The following RAB8B variants were observed in gnomAD, a reference collection of about 807,000 sequenced individuals.
The protein encoded by RAB8B is RAB8B, member RAS oncogene family.
In RAB8B, 11 loss-of-function variants were observed where a neutral mutation model predicts 32.0. That is an observed-to-expected ratio of 0.34 (90% CI 0.22 to 0.57). RAB8B has a LOEUF of 0.57. Among genes scored for constraint, RAB8B ranks in the 20% least tolerant of loss-of-function variants. The probability of loss-of-function intolerance (pLI) is 0.86; values close to 1 mark genes in which losing one functional copy is unlikely to be tolerated. For synonymous variants in RAB8B, 103 were observed against 89.6 expected, an observed-to-expected ratio of 1.15 and a Z score of -0.85; for missense variants, 190 against 258.5, an observed-to-expected ratio of 0.73 and a Z score of 1.82.
intron 1 of RAB8B, among the ~76,000 whole-genome samples, chr15:63,198,791 T>A (rs1296352428): frequency 1.3e-5 from 2 of 152,240 alleles, no homozygotes; most frequent in African/African-American, 4.8e-5. Flanking sequence ...CTATTAAAAG[T>A]TGAATTGTAA....
chr15:63,255,866 A>G (rs2038154999), intron 4 of RAB8B, among the ~76,000 whole-genome samples: 2 of 152,230 alleles, frequency 1.3e-5, no homozygotes, highest in Admixed American at 1.3e-4. Flanking sequence ...GAACAGAAAG[A>G]AGTGATTTGC....
intron 1 of RAB8B, among the ~76,000 whole-genome samples, chr15:63,230,693 CTTA>C: frequency 6.6e-6 from 1 of 152,008 alleles, no homozygotes; most frequent in South Asian, 2.1e-4. Context: ...GATTTTACTA[CTTA>C]TTATTATTAT....
intron 3 of RAB8B, among the ~76,000 whole-genome samples, chr15:63,253,818 T>C (rs1238628239): frequency 5.9e-5 from 9 of 152,190 alleles, no homozygotes. Flanking sequence ...CAGGACTTAG[T>C]GACTGATTGG....
At chr15:63,218,609 C>T (rs1345215398) in intron 1 of RAB8B, among the ~76,000 whole-genome samples, 2 of 152,176 alleles carry the variant, frequency 1.3e-5, no homozygotes, top group African/African-American at 4.8e-5. Context: ...GGCATAGTCC[C>T]ACTTCATTCA....
chr15:63,214,005 TG>T (rs1383209349), intron 1 of RAB8B, among the ~76,000 whole-genome samples: 11 of 151,934 alleles, frequency 7.2e-5, no homozygotes, highest in African/African-American at 2.7e-4. Context: ...TGCTTGAACC[TG>T]GGAGGTGGAG....
chr15:63,195,370 T>G (rs1182424388), intron 1 of RAB8B, among the ~76,000 whole-genome samples: 2 of 152,080 alleles, frequency 1.3e-5, no homozygotes, highest in Non-Finnish European at 2.9e-5. Context: ...GGAAACTGAG[T>G]CTTGGGTACA....
intron 1 of RAB8B, among the ~76,000 whole-genome samples, chr15:63,219,003 G>GTT (rs1567012548): frequency 1.0e-4 from 5 of 48,848 alleles, no homozygotes; most frequent in East Asian, 1.2e-3. Context: ...TCCAGCAGTG[G>GTT]ATTTTTTTTT....
intron 1 of RAB8B, among the ~76,000 whole-genome samples, chr15:63,222,752 G>C (rs147966453): frequency 0.027 from 4,140 of 152,182 alleles, 165 homozygotes; most frequent in African/African-American, 0.088. Flanking sequence ...TGTTGGTCAG[G>C]CTGGTCTCGA....
chr15:63,205,148 A>G (rs1156611510), intron 1 of RAB8B, among the ~76,000 whole-genome samples: 1 of 152,144 alleles, frequency 6.6e-6, no homozygotes, highest in African/African-American at 2.4e-5. Flanking sequence ...AATACAAAAA[A>G]AGTTAGCAGG....
chr15:63,251,359 G>T, intron 3 of RAB8B: 1 of 455,090 alleles, frequency 2.2e-6, no homozygotes, highest in South Asian at 1.6e-5. Context: ...CTGATTAGAG[G>T]CATCTTAGAC....
intron 1 of RAB8B, among the ~76,000 whole-genome samples, chr15:63,203,534 G>A (rs562774346): frequency 6.6e-6 from 1 of 152,350 alleles, no homozygotes; most frequent in East Asian, 1.9e-4. Flanking sequence ...CTAGTTCACT[G>A]AGGGTAGGTC....
intron 3 of RAB8B, among the ~76,000 whole-genome samples, chr15:63,254,357 A>G (rs1213420133): frequency 6.6e-6 from 1 of 152,086 alleles, no homozygotes; most frequent in African/African-American, 2.4e-5. Context: ...TGTCAAAATT[A>G]TAATTAGTTG....
intron 1 of RAB8B, among the ~76,000 whole-genome samples, chr15:63,192,165 C>T (rs1010700739): frequency 3.9e-5 from 6 of 152,232 alleles, no homozygotes; most frequent in Middle Eastern, 3.2e-3. Flanking sequence ...AGAGCTCCAA[C>T]AGGAAGTGGT....
At chr15:63,201,268 T>A (rs1323301529) in intron 1 of RAB8B, among the ~76,000 whole-genome samples, 1 of 152,186 alleles carries the variant, frequency 6.6e-6, no homozygotes, top group East Asian at 1.9e-4. Context: ...CTCCGTGTTA[T>A]GAAAGTGTGC....
At position 63,207,123 on chromosome 15, in the gene RAB8B, T is replaced by C. The variant is rs186621656; in HGVS notation, c.124+17375T>C. On this transcript the variant is annotated intron_variant, in intron 1 of 7. Coordinates refer to ENST00000321437, the MANE Select transcript of RAB8B (RefSeq NM_016530.3). The stretch of plus-strand genomic sequence containing the variant: ...AAGTGTCTGTTCTCTAGGTTTTCCT[T>C]TTTTTCTCTTTTAGAAATTGGACAC... Among the ~76,000 whole-genome samples, 394 of 152,338 alleles carry C rather than the reference T, an allele frequency of 2.6e-3. 8 individuals are homozygous for C. The highest frequency in any genetic ancestry group is 0.018 in the South Asian group (85 of 4,822).
intron 1 of RAB8B, among the ~76,000 whole-genome samples, chr15:63,219,556 C>T (rs964941483): frequency 5.9e-5 from 9 of 151,414 alleles, no homozygotes; most frequent in Admixed American, 4.6e-4. Flanking sequence ...GAGTAAGGGT[C>T]AAGTGCTATT....
chr15:63,233,171 C>CA (rs2037950345), intron 1 of RAB8B, among the ~76,000 whole-genome samples: 1 of 151,358 alleles, frequency 6.6e-6, no homozygotes, highest in African/African-American at 2.4e-5. Context: ...GCTATCCGCT[C>CA]ACTTCAGCCT....
chr15:63,234,941 G>T (rs1033054627), intron 1 of RAB8B, among the ~76,000 whole-genome samples: 2 of 152,004 alleles, frequency 1.3e-5, no homozygotes, highest in African/African-American at 4.8e-5. Flanking sequence ...CCTTTTCCTC[G>T]AGGTGGAGAA....
At chr15:63,211,351 G>A (rs1055222595) in intron 1 of RAB8B, among the ~76,000 whole-genome samples, 2 of 152,184 alleles carry the variant, frequency 1.3e-5, no homozygotes, top group Non-Finnish European at 2.9e-5. Flanking sequence ...TCTGAGTTGG[G>A]AGGTTGGGAG....
Sources: gnomAD v4.1 joint callset for allele counts (sites outside exome capture counted in the v4.1 genomes callset) on GRCh38, gnomAD v4.1.1 for gene constraint, MANE v1.5 for transcripts, NCBI Gene and HGNC (gene_info 2026-07-23, HGNC 2026-07-21) for gene names.